Variants in CLASP2 observed in about 807,000 individuals in gnomAD.
The protein encoded by CLASP2 is CLIP-associating protein 2.
A neutral mutation model predicts 194.4 loss-of-function variants in CLASP2; 47 were observed. The ratio of observed to expected loss-of-function variants is 0.24; its 90% confidence interval spans 0.19 to 0.31. The LOEUF is 0.31. CLASP2 is among the 10% of genes least tolerant of loss of function. CLASP2 has a pLI of 1.00. For missense variants in CLASP2, 1,445 were observed against 1,823.6 expected (o/e 0.79, Z 3.78); for synonymous variants, 619 against 633.5 (o/e 0.98, Z 0.34).
intron 26 of CLASP2, among the ~76,000 whole-genome samples, chr3:33,569,889 T>C (rs116428920): frequency 0.019 from 2,925 of 151,958 alleles, 54 homozygotes; most frequent in African/African-American, 0.045. Context: ...ATACTAAAAA[T>C]AGAAAAAAAT....
In CLASP2 at chr3:33,603,084, G is replaced by A; in HGVS notation, c.1792C>T (p.Leu598=). The A allele has an allele frequency of 6.3e-7, 1 of 1,591,810 alleles. No individual in the cohort carries two copies. The highest frequency in any genetic ancestry group is 8.6e-7 in the Non-Finnish European group (1 of 1,168,008). The change falls in exon 18 of 39, where the codon CTG becomes TTG. Residue 598 remains leucine (L), a synonymous_variant. Transcript: ENST00000682230. The part of the protein sequence containing the change: ...SSKASSLPGS[L]QRSRSDIDVN... ...TCAATGTCACTTCGTGAACGCTGCAGGCTTCCTGGAAGGGAACTGGCTTTG... is the reference window on the plus strand; with the variant it reads ...TCAATGTCACTTCGTGAACGCTGCAAGCTTCCTGGAAGGGAACTGGCTTTG...
chr3:33,661,860 C>G (rs2085358185), intron 7 of CLASP2, among the ~76,000 whole-genome samples: 1 of 152,160 alleles, frequency 6.6e-6, no homozygotes, highest in Admixed American at 6.5e-5. Context: ...GGCCTGGGCC[C>G]TGGGATTTTC....
chr3:33,531,547 G>A (rs961676256), intron 34 of CLASP2, among the ~76,000 whole-genome samples: 1 of 152,170 alleles, frequency 6.6e-6, no homozygotes, highest in Non-Finnish European at 1.5e-5. Flanking sequence ...AGGCCGAGGA[G>A]GGTGGATCAC....
At chr3:33,633,048 G>A (rs1394354953) in intron 8 of CLASP2, among the ~76,000 whole-genome samples, 2 of 152,130 alleles carry the variant, frequency 1.3e-5, no homozygotes, top group African/African-American at 4.8e-5. Context: ...GAAGCTAAAG[G>A]AAGGGAACTG....
chr3:33,511,372 G>A (rs922647307), intron 36 of CLASP2, among the ~76,000 whole-genome samples: 5 of 152,062 alleles, frequency 3.3e-5, no homozygotes, highest in Non-Finnish European at 7.4e-5. Flanking sequence ...TTGTGGTCTA[G>A]TTGTGTTAGT....
intron 24 of CLASP2, among the ~76,000 whole-genome samples, chr3:33,575,586 AT>A: frequency 6.6e-6 from 1 of 152,118 alleles, no homozygotes; most frequent in East Asian, 1.9e-4. Context: ...TTCTTACATA[AT>A]TTTAAGTGAC....
chr3:33,598,412 A>T (rs1175190010), intron 18 of CLASP2, among the ~76,000 whole-genome samples: 1 of 151,272 alleles, frequency 6.6e-6, no homozygotes, highest in Non-Finnish European at 1.5e-5. Flanking sequence ...CCCTTCCATC[A>T]CTTCCTCCCC....
chr3:33,510,458 G>A, intron 37 of CLASP2, 100 bp downstream of exon 37: 4 of 1,081,144 alleles, frequency 3.7e-6, no homozygotes, highest in Non-Finnish European at 5.5e-6. Context: ...ACAAACGGGA[G>A]GAAGGCTTGA....
At chr3:33,645,858 A>G (rs2082178994) in intron 7 of CLASP2, among the ~76,000 whole-genome samples, 1 of 151,744 alleles carries the variant, frequency 6.6e-6, no homozygotes, top group Non-Finnish European at 1.5e-5. Flanking sequence ...TGATTCTACA[A>G]GGCTCCTTTC....
chr3:33,548,727 T>G (rs1483470742), intron 30 of CLASP2, among the ~76,000 whole-genome samples: 1 of 152,096 alleles, frequency 6.6e-6, no homozygotes, highest in African/African-American at 2.4e-5. Flanking sequence ...TTCTAGTGAT[T>G]TCCTGCCACA....
chr3:33,683,127 A>G (rs1416511126), intron 6 of CLASP2: 1 of 152,244 alleles, frequency 6.6e-6, no homozygotes, highest in African/African-American at 2.4e-5. Context: ...TATTTTTAGT[A>G]AATCCTTGCT....
At chr3:33,674,957 C>G (rs977608883) in intron 6 of CLASP2, among the ~76,000 whole-genome samples, 1 of 152,026 alleles carries the variant, frequency 6.6e-6, no homozygotes, top group African/African-American at 2.4e-5. Context: ...AGCTTACCAA[C>G]CAAAAAGGGT....
intron 3 of CLASP2, 86 bp from the exon 4 acceptor site, chr3:33,688,454 A>C (rs1331127883): frequency 1.0e-6 from 1 of 957,316 alleles, no homozygotes; most frequent in Non-Finnish European, 1.6e-6. Context: ...CTTACTACCA[A>C]CCTTATCGGT....
Position 33,590,739 on chromosome 3 carries a change from C to A in CLASP2, c.2068+1656G>T, listed in dbSNP as rs76083795. On this transcript the variant is annotated intron_variant, in intron 21 of 38. Coordinates refer to ENST00000682230, the MANE Select transcript of CLASP2 (RefSeq NM_001365631.1). ...AGAAGGATCTGGTGGGTAAGACTTGCGTAATCACTATCCTGCCCCTCAATG... is the reference window on the plus strand; with the variant it reads ...AGAAGGATCTGGTGGGTAAGACTTGAGTAATCACTATCCTGCCCCTCAATG... 2.1e-3 allele frequency among the ~76,000 whole-genome samples: 320 copies of A among 152,258 alleles called. 1 individual carries two copies. The highest frequency in any genetic ancestry group is 0.011 in the East Asian group (58 of 5,188).
In CLASP2 at chr3:33,570,819, T is replaced by C. The variant is rs752273527; in HGVS notation, c.2700-29A>G. ...CCAAGATAATACAGCGGTTAATTAA[T>C]ATCTTGCTGTAGCAAGAAGTCATGT... is the stretch of plus-strand genomic sequence containing the variant. On this transcript the variant is annotated intron_variant, in intron 25 of 38. Coordinates refer to ENST00000682230, the MANE Select transcript of CLASP2 (RefSeq NM_001365631.1). 3.3e-5 allele frequency: 50 copies of C among 1,527,610 alleles called. No homozygotes were observed. The East Asian group carries it at 1.1e-3, about 33-fold the overall frequency. The allele number at this position is 1,527,610 out of a possible 1,614,324, so 94.6% of individuals were successfully genotyped here.
At position 33,497,274 on chromosome 3, in the gene CLASP2, T is replaced by C. The variant is rs1006287219; in HGVS notation, c.*1357A>G. ...TAACTCTGCAACAATGGCAAACTGCTTCCCTAATAGCTATTTGCCTTTTCA... is the reference window on the plus strand; with the variant it reads ...TAACTCTGCAACAATGGCAAACTGCCTCCCTAATAGCTATTTGCCTTTTCA... On this transcript the variant is annotated 3_prime_UTR_variant, in exon 39 of 39. Transcript: ENST00000682230. 3 of 152,606 alleles carry C rather than the reference T, an allele frequency of 2.0e-5. No homozygotes were observed. The highest frequency in any genetic ancestry group is 7.2e-5 in the African/African-American group (3 of 41,456). The allele number at this position is 152,606 out of a possible 1,614,324, so 9.5% of individuals were successfully genotyped here. A position where few individuals can be genotyped will look rare whatever the true frequency, so the allele number is the denominator to read the frequency against.
At chr3:33,594,898 GA>G in intron 20 of CLASP2, 52 bp downstream of exon 20, 1 of 1,023,732 alleles carries the variant, frequency 9.8e-7, no homozygotes, top group Admixed American at 3.5e-5. Flanking sequence ...TCCTACCAAT[GA>G]AAATAGTAAT....
intron 7 of CLASP2, among the ~76,000 whole-genome samples, chr3:33,651,461 T>A (rs1248808093): frequency 6.6e-6 from 1 of 151,048 alleles, no homozygotes; most frequent in Non-Finnish European, 1.5e-5. Flanking sequence ...CAGCAGAAAC[T>A]GTTACATAAT....
At chr3:33,520,076 T>C (rs188222800) in intron 34 of CLASP2, among the ~76,000 whole-genome samples, 280 of 152,302 alleles carry the variant, frequency 1.8e-3, no homozygotes, top group South Asian at 4.1e-3. Context: ...TGCACTGGCG[T>C]GATCTTGGCT....
Sources: gnomAD v4.1 joint callset for allele counts (sites outside exome capture counted in the v4.1 genomes callset) on GRCh38, gnomAD v4.1.1 for gene constraint, MANE v1.5 for transcripts, NCBI Gene and HGNC (gene_info 2026-07-23, HGNC 2026-07-21) for gene names.